Variants in LAT2 observed in about 807,000 individuals in gnomAD.
LAT2 encodes the protein linker for activation of T-cells family member 2.
Under a neutral mutation model 43.4 loss-of-function variants are expected in LAT2, and 23 were observed. The observed-to-expected ratio is 0.53, with a 90% CI of 0.38 to 0.75. The LOEUF (loss-of-function observed/expected upper bound fraction) is 0.75. Ranked by LOEUF, LAT2 falls within the 30% of genes least tolerant of loss-of-function variation. LAT2 has a pLI of 0.00. For synonymous variants in LAT2, 128 were observed against 123.2 expected (o/e 1.04, Z -0.26); for missense variants, 284 against 310.2 (o/e 0.92, Z 0.64).
At chr7:74,213,453 C>T (rs188805372) in intron 1 of LAT2, among the ~76,000 whole-genome samples, 2,923 of 101,488 alleles carry the variant, frequency 0.029, 129 homozygotes, top group African/African-American at 0.1. Flanking sequence ...GAGATGGAGT[C>T]TCGCTCTGTT....
At chr7:74,227,538 A>G (rs561793933) in intron 13 of LAT2, among the ~76,000 whole-genome samples, 1 of 152,216 alleles carries the variant, frequency 6.6e-6, no homozygotes, top group South Asian at 2.1e-4. Context: ...GGTTTTGTAC[A>G]AAGACTGGCT....
chr7:74,221,577 GC>G, intron 9 of LAT2, 59 bp from the exon 10 acceptor site: 2 of 1,429,686 alleles, frequency 1.4e-6, no homozygotes, highest in Non-Finnish European at 2.0e-6. Flanking sequence ...CCCTTATGGA[GC>G]CCCCAACCCG....
intron 4 of LAT2, among the ~76,000 whole-genome samples, chr7:74,218,562 T>C (rs1237053344): frequency 6.6e-6 from 1 of 152,126 alleles, no homozygotes; most frequent in Non-Finnish European, 1.5e-5. Flanking sequence ...ACAAAGGGTG[T>C]CTCCCAGTTG....
intron 12 of LAT2, 45 bp downstream of exon 12, chr7:74,224,242 C>A (rs1554715760): frequency 1.3e-6 from 2 of 1,587,850 alleles, no homozygotes; most frequent in East Asian, 2.2e-5. Flanking sequence ...TTAGGGCAGG[C>A]TTGAGGGACT....
At position 74,219,951 on chromosome 7, in the gene LAT2, C is replaced by T; in HGVS notation, c.179-9C>T. 1 of 1,613,578 alleles carries T rather than the reference C, an allele frequency of 6.2e-7. No individual in the cohort carries two copies. The highest frequency in any genetic ancestry group is 8.5e-7 in the Non-Finnish European group (1 of 1,179,986). ...GCCCAGCCAACACCCCACTTCTTGC[C>T]CTTTGTAGTGGTCGGGCAGGCATGG... On this transcript the variant is annotated splice_polypyrimidine_tract_variant and intron_variant, in intron 5 of 13. Transcript: ENST00000460943.
chr7:74,223,613 G>A (rs1476054787), intron 10 of LAT2, 111 bp from the exon 11 acceptor site: 3 of 1,010,544 alleles, frequency 3.0e-6, no homozygotes, highest in African/African-American at 3.2e-5. Flanking sequence ...AGAGGGCTAG[G>A]GCTTGGCGGA....
intron 12 of LAT2, 99 bp from the exon 13 acceptor site, chr7:74,224,540 C>G (rs964957086): frequency 3.9e-6 from 4 of 1,024,100 alleles, no homozygotes; most frequent in Non-Finnish European, 6.0e-6. Flanking sequence ...GCATTTCCCG[C>G]GGGCTGTTTT....
intron 4 of LAT2, among the ~76,000 whole-genome samples, chr7:74,217,198 A>G (rs976478732): frequency 4.6e-5 from 7 of 152,114 alleles, no homozygotes; most frequent in African/African-American, 7.2e-5. Context: ...TTGGGAGGCC[A>G]AGGCAGGTGG....
At chr7:74,219,106 G>A (rs1460460666) in intron 4 of LAT2, among the ~76,000 whole-genome samples, 1 of 132,588 alleles carries the variant, frequency 7.5e-6, no homozygotes, top group South Asian at 2.5e-4. Context: ...GTGCAATCTC[G>A]GCTCACTGCA....
In LAT2 at chr7:74,220,506, T is replaced by C; in HGVS notation, c.266-78T>C. The C allele has an allele frequency of 1.3e-6, 2 of 1,577,436 alleles. No individual in the cohort carries two copies. Among genetic ancestry groups the C allele is most frequent in the Non-Finnish European group, 1.7e-6 (2 of 1,150,264 alleles). ...CTCAGACACGGGAAATAGCTGGCCCTGCCTTGGGCTGCAGCACCCGAGCTG... is the reference window on the plus strand; with the variant it reads ...CTCAGACACGGGAAATAGCTGGCCCCGCCTTGGGCTGCAGCACCCGAGCTG... On this transcript the variant is annotated intron_variant, in intron 7 of 13. Transcript: ENST00000460943. This position sits in a 1 kb window ranked among gnomAD's most constrained non-coding sequence, Gnocchi z 4.5.
chr7:74,224,849 G>A (rs559499783), intron 13 of LAT2, 89 bp downstream of exon 13: 4 of 1,009,510 alleles, frequency 4.0e-6, no homozygotes, highest in East Asian at 2.7e-5. Context: ...ACAGCCGAGA[G>A]TGTGGGTGGA....
intron 1 of LAT2, among the ~76,000 whole-genome samples, chr7:74,214,089 AAAATATATAT>A (rs1307387221): frequency 1.6e-5 from 2 of 121,638 alleles, no homozygotes; most frequent in Non-Finnish European, 3.2e-5. Context: ...TATATATGAA[AAAATATATAT>A]AAATATATAT....
intron 4 of LAT2, among the ~76,000 whole-genome samples, chr7:74,218,497 G>A (rs1802127026): frequency 6.6e-6 from 1 of 152,122 alleles, no homozygotes; most frequent in Admixed American, 6.6e-5. Flanking sequence ...GGCAGCTGGG[G>A]TGCCGGCCCT....
chr7:74,214,361 A>AATATATATATATGAAAATATAT (rs1801897381), intron 1 of LAT2, among the ~76,000 whole-genome samples: 3 of 43,934 alleles, frequency 6.8e-5, no homozygotes, highest in Admixed American at 4.5e-4. Context: ...TATATATATA[A>AATATATATATATGAAAATATAT]ATATATATAT....
At chr7:74,219,027 T>TTA in intron 4 of LAT2, among the ~76,000 whole-genome samples, 1 of 94,654 alleles carries the variant, frequency 1.1e-5, no homozygotes. Flanking sequence ...TTTTTTTTTT[T>TTA]TTTTTTTTTT....
rs892931132 is a variant in LAT2, at chr7:74,220,282, C to T, written c.265+28C>T. 3 of 1,601,532 alleles carry T rather than the reference C, an allele frequency of 1.9e-6. No individual in the cohort carries two copies. The South Asian group carries it at 3.3e-5, about 18-fold the overall frequency. ...GAGTGGCACAGGGCAGGGACAGGGA[C>T]AGGCCTAGCCAAGCTGGGACTAAGA... is the stretch of plus-strand genomic sequence containing the variant. On this transcript the variant is annotated intron_variant, in intron 7 of 13. Transcript: ENST00000460943. The surrounding 1 kb of genome is among the most constrained non-coding windows in gnomAD (Gnocchi z 4.5).
At position 74,219,969 on chromosome 7, in the gene LAT2, A is replaced by G; in HGVS notation, c.188A>G (p.Gln63Arg). 6.2e-7 allele frequency: 1 copy of G among 1,613,626 alleles called. No homozygotes were observed. The highest frequency in any genetic ancestry group is 1.1e-5 in the South Asian group (1 of 91,088). Residue 63 changes from glutamine (Q) to arginine (R), a missense_variant, in exon 6 of 14, where the codon CAG becomes CGG. By Grantham distance (43) the Gln-to-Arg change is conservative. Transcript: ENST00000460943. ...TTCTTGCCCTTTGTAGTGGTCGGGCAGGCATGGCCAGGACCCCTGGCGGAC... is the reference window on the plus strand; with the variant it reads ...TTCTTGCCCTTTGTAGTGGTCGGGCGGGCATGGCCAGGACCCCTGGCGGAC... ...TGSRTYSLVG[Q>R]AWPGPLADMA...
At chr7:74,221,526 C>G (rs1802279346) in intron 9 of LAT2, 111 bp from the exon 10 acceptor site, 1 of 699,442 alleles carries the variant, frequency 1.4e-6, no homozygotes, top group Non-Finnish European at 2.4e-6. Context: ...CCCATGGCCC[C>G]CAAGAGGAGC....
rs868983625 is a variant in LAT2 at position 74,220,936 on chromosome 7, T to C, written c.332+202T>C. 6.6e-6 allele frequency among the ~76,000 whole-genome samples: 1 copy of C among 152,168 alleles called. No individual in the cohort carries two copies. Among genetic ancestry groups the C allele is most frequent in the Non-Finnish European group, 1.5e-5 (1 of 68,016 alleles). ...GGCATTGGGCGACACTGTTGTCTCT[T>C]AGGTAACCCTGGGTTTGGGGGACTG... On this transcript the variant is annotated intron_variant, in intron 9 of 13. Coordinates refer to ENST00000460943, the MANE Select transcript of LAT2 (RefSeq NM_032464.3). This position sits in a 1 kb window ranked among gnomAD's most constrained non-coding sequence, Gnocchi z 4.5.
Sources: gnomAD v4.1 joint callset for allele counts (sites outside exome capture counted in the v4.1 genomes callset) on GRCh38, gnomAD v4.1.1 for gene constraint, Gnocchi (gnomAD v3.1) non-coding constraint, MANE v1.5 for transcripts, NCBI Gene and HGNC (gene_info 2026-07-23, HGNC 2026-07-21) for gene names.